Variants in OPA3 observed in about 807,000 individuals in gnomAD.
OPA3 encodes optic atrophy 3 protein.
Under a neutral mutation model 4.0 loss-of-function variants are expected in OPA3, and 6 were observed. The observed-to-expected ratio is 1.51, with a 90% confidence interval of 0.83 to 2.99. The LOEUF (loss-of-function observed/expected upper bound fraction) is 2.99, where lower values mean the gene tolerates loss of function less well. OPA3 is among the 30% of genes most tolerant of loss of function. The pLI is 0.00. For missense variants in OPA3, 235 were observed against 256.2 expected, an observed-to-expected ratio of 0.92 and a Z score of 0.56; for synonymous variants, 105 against 117.1, an observed-to-expected ratio of 0.90 and a Z score of 0.67.
At position 45,584,635 on chromosome 19, in the gene OPA3, G is replaced by A. The variant is rs2122529183; in HGVS notation, c.130C>T (p.Pro44Ser). 6.2e-7 allele frequency: 1 copy of A among 1,614,214 alleles called. No homozygotes were observed. The highest frequency in any genetic ancestry group is 2.2e-5 in the East Asian group (1 of 44,884). Residue 44 changes from proline (P) to serine (S), a missense_variant, in exon 1 of 2, where the codon CCG (proline) becomes TCG (serine). Physicochemically the swap from Pro to Ser is moderately conservative, Grantham distance 74 (BLOSUM62 -1). Transcript: ENST00000263275. Reference sequence around the variant, plus strand: ...GGGTCAGACTCACGTTGAGCCGGCGGGAGGCAGATATAGGTCTTGAAGAAC... The same window carrying A: ...GGGTCAGACTCACGTTGAGCCGGCGAGAGGCAGATATAGGTCTTGAAGAAC... ...SEFFKTYICL[P>S]PAQLYHWVEM...
rs553414785 is a variant in OPA3 at position 45,584,630 on chromosome 19, C to T, written c.135G>A (p.Pro45=). 1.9e-6 allele frequency: 3 copies of T among 1,614,180 alleles called. No individual in the cohort carries two copies. The highest frequency in any genetic ancestry group is 2.2e-5 in the East Asian group (1 of 44,890). Residue 45 remains proline (P), a synonymous_variant, in exon 1 of 2, where the codon CCG becomes CCA. Transcript: ENST00000263275. ...EFFKTYICLP[P]AQLYHWVEMR... The stretch of plus-strand genomic sequence containing the variant: ...AATTCGGGTCAGACTCACGTTGAGC[C>T]GGCGGGAGGCAGATATAGGTCTTGA...
intron 1 of OPA3, among the ~76,000 whole-genome samples, chr19:45,565,570 T>C (rs1290306378): frequency 2.0e-5 from 3 of 152,136 alleles, no homozygotes; most frequent in Admixed American, 2.0e-4. Flanking sequence ...GCGGAGGTTG[T>C]GGTGAGCTGA....
downstream of OPA3, among the ~76,000 whole-genome samples, chr19:45,541,445 C>T (rs1047111653): frequency 3.3e-5 from 5 of 152,050 alleles, no homozygotes; most frequent in African/African-American, 1.2e-4. Flanking sequence ...GCGGCTCAGG[C>T]TTGTAATCCC....
At chr19:45,582,829 CA>C (rs1430510807) in intron 1 of OPA3, among the ~76,000 whole-genome samples, 1 of 152,160 alleles carries the variant, frequency 6.6e-6, no homozygotes, top group African/African-American at 2.4e-5. Flanking sequence ...ACTCCTAAAC[CA>C]TAATTTCTAA....
chr19:45,556,837 G>A (rs1969427862), intron 1 of OPA3, among the ~76,000 whole-genome samples: 1 of 152,218 alleles, frequency 6.6e-6, no homozygotes, highest in Admixed American at 6.5e-5. Context: ...GTGGGTTCCT[G>A]GGGTCCAGGC....
chr19:45,559,156 C>G (rs1969464980), intron 1 of OPA3, among the ~76,000 whole-genome samples: 1 of 151,824 alleles, frequency 6.6e-6, no homozygotes, highest in African/African-American at 2.4e-5. Flanking sequence ...AGTACTGGGA[C>G]TACAGGTGTG....
At chr19:45,558,638 C>T (rs574557685) in intron 1 of OPA3, among the ~76,000 whole-genome samples, 28 of 152,318 alleles carry the variant, frequency 1.8e-4, no homozygotes, top group Admixed American at 4.6e-4. Flanking sequence ...GGTGAGCACT[C>T]TGCCCCCATG....
intron 1 of OPA3, among the ~76,000 whole-genome samples, chr19:45,555,083 TC>T (rs1406723166): frequency 2.0e-5 from 3 of 152,150 alleles, no homozygotes; most frequent in African/African-American, 7.2e-5. Flanking sequence ...AGCCACCATG[TC>T]CATCCAAAAG....
intron 1 of OPA3, among the ~76,000 whole-genome samples, chr19:45,581,577 G>C (rs1969856162): frequency 6.6e-6 from 1 of 152,212 alleles, no homozygotes; most frequent in Non-Finnish European, 1.5e-5. Flanking sequence ...TGCTGGTTTG[G>C]TCCCTGCTGT....
At chr19:45,571,653 G>C (rs572665015) in intron 1 of OPA3, among the ~76,000 whole-genome samples, 1 of 152,090 alleles carries the variant, frequency 6.6e-6, no homozygotes, top group African/African-American at 2.4e-5. Flanking sequence ...ACACTGGTGC[G>C]TGTGAGAATG....
intron 1 of OPA3, among the ~76,000 whole-genome samples, chr19:45,574,942 C>T (rs1969745186): frequency 6.6e-6 from 1 of 152,144 alleles, no homozygotes; most frequent in Non-Finnish European, 1.5e-5. Context: ...TGAGAGGGAA[C>T]CAACTCCCCA....
chr19:45,574,423 A>G (rs1481895188), intron 1 of OPA3, among the ~76,000 whole-genome samples: 1 of 151,868 alleles, frequency 6.6e-6, no homozygotes, highest in African/African-American at 2.4e-5. Flanking sequence ...AAGAAAAAAA[A>G]AACGGATTCC....
chr19:45,584,324 A>C (rs1236670294), intron 1 of OPA3: 1 of 984,892 alleles, frequency 1.0e-6, no homozygotes, highest in African/African-American at 1.7e-5. Context: ...CCCCGTCCAA[A>C]TTTCTCCCAT....
At position 45,547,352 on chromosome 19, in the gene OPA3, T is replaced by G. The variant is rs1296845580; in HGVS notation, c.*6162A>C. On this transcript the variant is annotated 3_prime_UTR_variant, in exon 2 of 2. Transcript: ENST00000263275. The stretch of plus-strand genomic sequence containing the variant: ...CAAATACTCAGCTCTGTCACTGTAC[T>G]GCAAAAGCAACTGTGGAAAATATGC... The G allele has an allele frequency of 1.3e-5, 2 of 152,240 alleles. No individual in the cohort carries two copies. The highest frequency in any genetic ancestry group is 2.9e-5 in the Non-Finnish European group (2 of 68,052). 9.4% of individuals were successfully genotyped at this position (152,240 alleles called of 1,614,324 possible). A position where few individuals can be genotyped will look rare whatever the true frequency, so the allele number is the denominator to read the frequency against.
chr19:45,531,337 C>T (rs924071310), intron 1 of OPA3, among the ~76,000 whole-genome samples: 63 of 152,072 alleles, frequency 4.1e-4, no homozygotes, highest in Admixed American at 1.3e-3. Flanking sequence ...TCAACTTTGA[C>T]GTTACTGTAT....
At chr19:45,558,733 T>A (rs1164163976) in intron 1 of OPA3, among the ~76,000 whole-genome samples, 1 of 152,004 alleles carries the variant, frequency 6.6e-6, no homozygotes, top group Non-Finnish European at 1.5e-5. Context: ...TTTTTTTTTT[T>A]TATTTTTTTT....
Position 45,548,555 on chromosome 19 carries a change from G to A in OPA3, c.*4959C>T. On this transcript the variant is annotated 3_prime_UTR_variant, in exon 2 of 2. Transcript: ENST00000263275. ...GAAATGTACGTGTGAGCATCTGTAAGACCCGGTGACGGCAGGGCTGGGGCT... is the reference window on the plus strand; with the variant it reads ...GAAATGTACGTGTGAGCATCTGTAAAACCCGGTGACGGCAGGGCTGGGGCT... 6.1e-6 allele frequency: 6 copies of A among 985,442 alleles called. No homozygotes were observed. The highest frequency in any genetic ancestry group is 7.2e-6 in the Non-Finnish European group (6 of 829,942). The allele number at this position is 985,442 out of a possible 1,614,324, so 61.0% of individuals were successfully genotyped here. A position where few individuals can be genotyped will look rare whatever the true frequency, so the allele number is the denominator to read the frequency against.
chr19:45,533,144 GC>G, intron 1 of OPA3, among the ~76,000 whole-genome samples: 1 of 151,850 alleles, frequency 6.6e-6, no homozygotes, highest in African/African-American at 2.4e-5. Context: ...ACCTGCCTTG[GC>G]CTCCCAAAGT....
intron 1 of OPA3, among the ~76,000 whole-genome samples, chr19:45,569,197 G>A (rs1390776924): frequency 1.3e-5 from 2 of 152,146 alleles, no homozygotes; most frequent in South Asian, 2.1e-4. Flanking sequence ...TGTGGCTCAC[G>A]CCTGTAATCC....
Sources: allele counts gnomAD v4.1 joint callset (sites outside exome capture counted in the v4.1 genomes callset), GRCh38; gene constraint gnomAD v4.1.1; transcripts MANE v1.5; gene names NCBI Gene and HGNC (gene_info 2026-07-23, HGNC 2026-07-21).